Variants in POR observed in about 807,000 individuals in gnomAD.
POR encodes the protein NADPH--cytochrome P450 reductase.
Under a neutral mutation model 84.0 loss-of-function variants are expected in POR, and 56 were observed. The observed-to-expected ratio is 0.67, with a 90% CI of 0.54 to 0.83. POR has a LOEUF of 0.83. Ranked by LOEUF, POR falls within the 40% of genes least tolerant of loss-of-function variation. The probability of loss-of-function intolerance (pLI) is 0.00; values close to 1 mark genes in which losing one functional copy is unlikely to be tolerated. For missense variants in POR, 938 were observed against 944.3 expected (o/e 0.99, Z 0.09); for synonymous variants, 414 against 400.5 (o/e 1.03, Z -0.40).
At chr7:75,968,294 G>T (rs1554555641) in intron 2 of POR, 3 of 468,010 alleles carry the variant, frequency 6.4e-6, no homozygotes, top group Non-Finnish European at 8.8e-6. Context: ...CATTCCCAGG[G>T]TTGCTGCCCC....
At chr7:75,979,956 G>C (rs1445382724) in intron 4 of POR, among the ~76,000 whole-genome samples, 4 of 152,172 alleles carry the variant, frequency 2.6e-5, no homozygotes, top group Non-Finnish European at 2.9e-5. Context: ...ATTTGCAGTT[G>C]ATGAACAGTT....
intron 1 of POR, among the ~76,000 whole-genome samples, chr7:75,939,138 C>CCA (rs1470826042): frequency 6.6e-6 from 1 of 152,226 alleles, no homozygotes; most frequent in Non-Finnish European, 1.5e-5. Context: ...CTGCCTGAAC[C>CCA]CACACAGTTC....
intron 2 of POR, among the ~76,000 whole-genome samples, chr7:75,964,747 G>T (rs1788103868): frequency 6.6e-6 from 1 of 152,160 alleles, no homozygotes; most frequent in Non-Finnish European, 1.5e-5. Context: ...TATCTTAGCT[G>T]AGCATGGTGG....
intron 1 of POR, among the ~76,000 whole-genome samples, chr7:75,942,313 C>T (rs782765461): frequency 1.4e-4 from 21 of 152,190 alleles, no homozygotes; most frequent in Non-Finnish European, 2.6e-4. Flanking sequence ...CAAATATCCC[C>T]GTGTCAGTGC....
intron 1 of POR, among the ~76,000 whole-genome samples, chr7:75,935,494 C>T (rs1156916077): frequency 1.3e-5 from 2 of 152,066 alleles, no homozygotes; most frequent in Non-Finnish European, 1.5e-5. Flanking sequence ...GATCTGCCCC[C>T]GTCGGCCTCC....
intron 1 of POR, among the ~76,000 whole-genome samples, chr7:75,942,114 C>A (rs1397775276): frequency 1.3e-5 from 2 of 152,126 alleles, no homozygotes; most frequent in African/African-American, 2.4e-5. Context: ...GTAGTCCCAA[C>A]TACTGTGGAG....
chr7:75,937,471 CAAAAAAAAA>C (rs782343328), intron 1 of POR, among the ~76,000 whole-genome samples: 214 of 20,148 alleles, frequency 0.011, 1 homozygote, highest in African/African-American at 0.034. Context: ...GACCCTGTCT[CAAAAAAAAA>C]AAAAAAAAAA....
intron 1 of POR, chr7:75,915,903 A>G (rs1446966855): frequency 6.6e-6 from 1 of 152,226 alleles, no homozygotes; most frequent in Non-Finnish European, 1.5e-5. Flanking sequence ...CTTTCTGCGT[A>G]TTGTTTTTCA....
At chr7:75,965,891 C>T (rs1788158463) in intron 2 of POR, among the ~76,000 whole-genome samples, 1 of 152,106 alleles carries the variant, frequency 6.6e-6, no homozygotes. Context: ...TTGGGAAGGG[C>T]TGTGAGATGT....
chr7:75,948,198 A>G (rs1427505711), intron 1 of POR, among the ~76,000 whole-genome samples: 1 of 152,158 alleles, frequency 6.6e-6, no homozygotes, highest in African/African-American at 2.4e-5. Flanking sequence ...CCTCATCTGT[A>G]GCTCAGGGCC....
chr7:75,980,656 G>T (rs1010606442), intron 5 of POR, 168 bp downstream of exon 5: 31 of 1,545,494 alleles, frequency 2.0e-5, no homozygotes, highest in Non-Finnish European at 2.7e-5. Context: ...CCAGCACTAC[G>T]AGAATGTCCC....
intron 2 of POR, among the ~76,000 whole-genome samples, chr7:75,966,426 G>T (rs782420145): frequency 1.3e-5 from 2 of 152,180 alleles, no homozygotes; most frequent in Non-Finnish European, 2.9e-5. Flanking sequence ...ATCTGGGTCC[G>T]CCTAGCAGAG....
At chr7:75,919,102 A>G (rs1806724554) in intron 1 of POR, among the ~76,000 whole-genome samples, 1 of 151,230 alleles carries the variant, frequency 6.6e-6, no homozygotes, top group Admixed American at 6.6e-5. Flanking sequence ...GGGTTCAAGC[A>G]ATTCTTGTGC....
At chr7:75,976,209 T>G (rs1788678775) in intron 3 of POR, among the ~76,000 whole-genome samples, 3 of 152,180 alleles carry the variant, frequency 2.0e-5, no homozygotes, top group South Asian at 2.1e-4. Flanking sequence ...TCATGAGCAC[T>G]TTCTCTTCTA....
At position 75,966,120 on chromosome 7, in the gene POR, A is replaced by G. The variant is rs528945395; in HGVS notation, c.189-6293A>G. Among the ~76,000 whole-genome samples the G allele has an allele frequency of 4.6e-5, 7 of 152,310 alleles. No individual in the cohort carries two copies. In the South Asian group the frequency reaches 1.4e-3, roughly 32 times the overall value. ...CTGCACAGGGTGGTGAGGATTAAACAAAATAAAATAGAAAGCTTCTTGAAT... is the reference window on the plus strand; with the variant it reads ...CTGCACAGGGTGGTGAGGATTAAACGAAATAAAATAGAAAGCTTCTTGAAT... On this transcript the variant is annotated intron_variant, in intron 2 of 15. Coordinates refer to ENST00000461988, the MANE Select transcript of POR (RefSeq NM_000941.3).
Position 75,986,409 on chromosome 7 carries a change from G to A in POR, c.1971G>A (p.Glu657=). Residue 657 remains glutamate, a synonymous_variant, in exon 16 of 16, where the codon GAG becomes GAA. Transcript: ENST00000461988. Reference sequence around the variant, plus strand: ...TCGTGGCTGAGCTCGGGGCCATGGAGCACGCGCAGGCGGTGGACTACATCA... The same window carrying A: ...TCGTGGCTGAGCTCGGGGCCATGGAACACGCGCAGGCGGTGGACTACATCA... 1 of 1,612,572 alleles carries A rather than the reference G, an allele frequency of 6.2e-7. No individual in the cohort carries two copies. Among genetic ancestry groups the A allele is most frequent in the Non-Finnish European group, 8.5e-7 (1 of 1,179,862 alleles).
chr7:75,965,468 C>A (rs1788137079), intron 2 of POR, among the ~76,000 whole-genome samples: 1 of 152,196 alleles, frequency 6.6e-6, no homozygotes, highest in Non-Finnish European at 1.5e-5. Flanking sequence ...GCTTTTGCTC[C>A]CTCGGACCCC....
At chr7:75,980,908 G>T in intron 5 of POR, 140 bp from the exon 6 acceptor site, 1 of 1,162,932 alleles carries the variant, frequency 8.6e-7, no homozygotes. Flanking sequence ...CTTGCAGTGC[G>T]AGGCGCCTGG....
chr7:75,983,279 T>G, intron 8 of POR: 1 of 442,932 alleles, frequency 2.3e-6, no homozygotes, highest in Non-Finnish European at 4.0e-6. Flanking sequence ...AGGCAGAGGT[T>G]GCAGTGAGCC....
Sources: allele counts gnomAD v4.1 joint callset (sites outside exome capture counted in the v4.1 genomes callset), GRCh38; gene constraint gnomAD v4.1.1; transcripts MANE v1.5; gene names NCBI Gene and HGNC (gene_info 2026-07-23, HGNC 2026-07-21).